Variants in RNF10 observed in about 807,000 individuals in gnomAD.
RNF10 encodes E3 ubiquitin-protein ligase RNF10.
A neutral mutation model predicts 91.4 loss-of-function variants in RNF10; 38 were observed. That is an observed-to-expected ratio of 0.42 (90% CI 0.32 to 0.54). RNF10 has a LOEUF of 0.54. Ranked by LOEUF, RNF10 falls within the 20% of genes least tolerant of loss-of-function variation. The pLI, the probability that RNF10 is intolerant of heterozygous loss-of-function variation, is 0.16. For missense variants in RNF10, 945 were observed against 1,012.0 expected, an observed-to-expected ratio of 0.93 and a Z score of 0.90; for synonymous variants, 364 against 366.3, an observed-to-expected ratio of 0.99 and a Z score of 0.07.
chr12:120,542,453 G>A (rs7970747), intron 1 of RNF10, among the ~76,000 whole-genome samples: 4,719 of 152,210 alleles, frequency 0.031, 236 homozygotes, highest in African/African-American at 0.11. Flanking sequence ...CAAGTCCAGC[G>A]CTGAAACTTT....
chr12:120,571,530 G>A (rs1029286805), intron 14 of RNF10, among the ~76,000 whole-genome samples: 2 of 152,158 alleles, frequency 1.3e-5, no homozygotes, highest in Non-Finnish European at 2.9e-5. Flanking sequence ...GACTTAACAG[G>A]CTAATGTTGC....
At chr12:120,569,125 A>G (rs887476718) in intron 13 of RNF10, among the ~76,000 whole-genome samples, 2 of 151,920 alleles carry the variant, frequency 1.3e-5, no homozygotes, top group African/African-American at 2.4e-5. Context: ...ATATGCCACC[A>G]TGCCTGGCTA....
In RNF10 at chr12:120,552,528, C is replaced by T; in HGVS notation, c.384C>T (p.Ser128=). Residue 128 remains serine, a synonymous_variant, in exon 3 of 17, where the codon AGC becomes AGT. Coordinates refer to ENST00000325954, the MANE Select transcript of RNF10 (RefSeq NM_014868.5). ...CAGAGGCTCAACGGGCAGAGTTTAG[C>T]CCTGCCCAGTTCTCTGGTCCTAAGA... The part of the protein sequence containing the change: ...EVAEAQRAEF[S]PAQFSGPKKI... 6.2e-7 allele frequency: 1 copy of T among 1,614,162 alleles called. No individual in the cohort carries two copies. The highest frequency in any genetic ancestry group is 8.5e-7 in the Non-Finnish European group (1 of 1,180,000).
At chr12:120,540,472 C>T (rs547463177) in intron 1 of RNF10, among the ~76,000 whole-genome samples, 15 of 152,230 alleles carry the variant, frequency 9.9e-5, no homozygotes, top group African/African-American at 3.6e-4. Flanking sequence ...CTGTTCTACC[C>T]TCGAGTTTTT....
intron 12 of RNF10, 77 bp downstream of exon 12, chr12:120,565,606 G>C: frequency 1.6e-6 from 2 of 1,245,310 alleles, no homozygotes; most frequent in South Asian, 1.3e-5. Context: ...GGACCTGGGA[G>C]CCAGACCTTA....
chr12:120,560,846 C>A lies in RNF10; in HGVS notation c.1088C>A (p.Pro363His). ...CAGCTGGCAGAGGAGAAGCACACTC[C>A]CGAGTCCTGCTTTATTGAGGCAGCT... is the stretch of plus-strand genomic sequence containing the variant. ...EQQLAEEKHT[P>H]ESCFIEAAIQ... is the part of the protein sequence containing the mutation. The change falls in exon 7 of 17, where the codon CCC becomes CAC. Residue 363 changes from proline to histidine, a missense_variant. Physicochemically the swap from Pro to His is moderately conservative, Grantham distance 77. Coordinates refer to ENST00000325954, the MANE Select transcript of RNF10 (RefSeq NM_014868.5). 1.2e-6 allele frequency: 2 copies of A among 1,614,110 alleles called. No individual in the cohort carries two copies. The highest frequency in any genetic ancestry group is 1.7e-6 in the Non-Finnish European group (2 of 1,180,024).
intron 1 of RNF10, among the ~76,000 whole-genome samples, chr12:120,535,853 G>A (rs927018868): frequency 1.3e-5 from 2 of 152,302 alleles, no homozygotes; most frequent in East Asian, 3.9e-4. Context: ...CACTGTGCCA[G>A]TCACTGACTT....
At chr12:120,534,995 G>A (rs779500831) in intron 1 of RNF10, 27 bp downstream of exon 1, 1 of 1,567,638 alleles carries the variant, frequency 6.4e-7, no homozygotes, top group Admixed American at 1.9e-5. Context: ...GGCAGTGGGC[G>A]GGGGCGACTG....
At chr12:120,564,794 A>G (rs919424789) in intron 10 of RNF10, among the ~76,000 whole-genome samples, 3 of 152,176 alleles carry the variant, frequency 2.0e-5, no homozygotes, top group African/African-American at 7.2e-5. Context: ...GCCTTGAAAA[A>G]ATCAGAAACA....
At chr12:120,559,478 A>T (rs1259432172) in intron 6 of RNF10, among the ~76,000 whole-genome samples, 3 of 151,794 alleles carry the variant, frequency 2.0e-5, no homozygotes, top group Non-Finnish European at 2.9e-5. Flanking sequence ...TCCGCCTCCC[A>T]GGTTCAAGAG....
intron 4 of RNF10, among the ~76,000 whole-genome samples, chr12:120,556,708 T>C (rs1565957293): frequency 1.3e-5 from 2 of 152,106 alleles, no homozygotes; most frequent in African/African-American, 4.8e-5. Flanking sequence ...TTTTTAGGCC[T>C]TTATGCATAC....
rs778055418 is a variant in RNF10, at chr12:120,566,899, T to G, written c.1960T>G (p.Ser654Ala). 3 of 1,614,102 alleles carry G rather than the reference T, an allele frequency of 1.9e-6. No homozygotes were observed. In the South Asian group the frequency reaches 3.3e-5, roughly 18 times the overall value. The change falls in exon 13 of 17, where the codon TCT (serine) becomes GCT (alanine). Residue 654 changes from serine (S) to alanine (A), a missense_variant. Transcript: ENST00000325954. ...CAATTCTTATACCTGCTCCTCTGAT[T>G]CTGCTTTGGGTCCCACCAGCACCGA... ...AFNSYTCSSD[S>A]ALGPTSTEGH...
intron 13 of RNF10, among the ~76,000 whole-genome samples, chr12:120,567,894 T>G (rs1382621337): frequency 6.6e-6 from 1 of 151,902 alleles, no homozygotes; most frequent in African/African-American, 2.4e-5. Flanking sequence ...TGTATATATA[T>G]ATATGTAAAT....
chr12:120,564,996 G>A, intron 10 of RNF10, 76 bp from the exon 11 acceptor site: 1 of 891,230 alleles, frequency 1.1e-6, no homozygotes, highest in South Asian at 1.4e-5. Flanking sequence ...ATATATTGTT[G>A]GATATCGGGG....
At chr12:120,559,111 TTTTTTA>T (rs1303263078) in intron 6 of RNF10, among the ~76,000 whole-genome samples, 1 of 151,358 alleles carries the variant, frequency 6.6e-6, no homozygotes, top group Non-Finnish European at 1.5e-5. Context: ...GTATAGTTAA[TTTTTTA>T]TTTTTATTTT....
intron 3 of RNF10, chr12:120,554,006 G>A (rs1326377719): frequency 6.6e-6 from 1 of 151,060 alleles, no homozygotes; most frequent in Non-Finnish European, 1.5e-5. Context: ...TCAGGTTCAA[G>A]TGATTCTCCT....
intron 2 of RNF10, among the ~76,000 whole-genome samples, chr12:120,547,044 C>T (rs1400107121): frequency 6.6e-6 from 1 of 152,030 alleles, no homozygotes; most frequent in Non-Finnish European, 1.5e-5. Flanking sequence ...CAAGGGTATT[C>T]ACTGCTTTGT....
intron 1 of RNF10, among the ~76,000 whole-genome samples, chr12:120,540,487 T>C (rs1424929764): frequency 6.6e-6 from 1 of 152,182 alleles, no homozygotes; most frequent in East Asian, 1.9e-4. Context: ...GTTTTTCCCA[T>C]GTATATCCTG....
intron 1 of RNF10, among the ~76,000 whole-genome samples, chr12:120,536,251 C>T (rs1252831555): frequency 6.6e-6 from 1 of 151,106 alleles, no homozygotes; most frequent in Non-Finnish European, 1.5e-5. Context: ...GTAAGACCCT[C>T]GTCTCCATAA....
Sources: gnomAD v4.1 joint callset for allele counts (sites outside exome capture counted in the v4.1 genomes callset) on GRCh38, gnomAD v4.1.1 for gene constraint, MANE v1.5 for transcripts, NCBI Gene and HGNC (gene_info 2026-07-23, HGNC 2026-07-21) for gene names.